FGD4: variants seen among roughly 807,000 people sequenced by gnomAD.
FGD4 encodes the protein FYVE, RhoGEF and PH domain containing 4, also known as FYVE, RhoGEF and PH domain-containing protein 4.
In FGD4, 42 loss-of-function variants were observed where a neutral mutation model predicts 102.0. The ratio of observed to expected loss-of-function variants is 0.41; its 90% CI spans 0.32 to 0.53. The LOEUF is 0.53. Among genes scored for constraint, FGD4 ranks in the 20% least tolerant of loss-of-function variants. FGD4 has a pLI of 0.21. For synonymous variants in FGD4, 380 were observed against 375.7 expected, an observed-to-expected ratio of 1.01 and a Z score of -0.13; for missense variants, 902 against 1,078.2, an observed-to-expected ratio of 0.84 and a Z score of 2.29.
chr12:32,400,226 C>T (rs552678564), intron 1 of FGD4, among the ~76,000 whole-genome samples: 1 of 152,230 alleles, frequency 6.6e-6, no homozygotes, highest in Non-Finnish European at 1.5e-5. Flanking sequence ...AGGTAGAATT[C>T]TCTTTTTCTC....
At chr12:32,467,940 C>T (rs900702094) in intron 1 of FGD4, among the ~76,000 whole-genome samples, 1 of 152,094 alleles carries the variant, frequency 6.6e-6, no homozygotes, top group African/African-American at 2.4e-5. Flanking sequence ...TGCTTGAACC[C>T]GGGAGGTGGA....
chr12:32,591,204 A>T (rs1413455612), intron 4 of FGD4, among the ~76,000 whole-genome samples: 1 of 152,198 alleles, frequency 6.6e-6, no homozygotes, highest in African/African-American at 2.4e-5. Flanking sequence ...AGCAGATTTG[A>T]ATAGAAACTT....
At chr12:32,566,688 T>A (rs11052078) in intron 2 of FGD4, among the ~76,000 whole-genome samples, 1 of 152,054 alleles carries the variant, frequency 6.6e-6, no homozygotes, top group African/African-American at 2.4e-5. Flanking sequence ...TAATGAGTGT[T>A]TCTTACTCTT....
At chr12:32,487,748 G>C (rs922646436) in intron 1 of FGD4, among the ~76,000 whole-genome samples, 1 of 152,154 alleles carries the variant, frequency 6.6e-6, no homozygotes, top group Non-Finnish European at 1.5e-5. Context: ...TTTATTTATA[G>C]AAACAAGATT....
intron 1 of FGD4, among the ~76,000 whole-genome samples, chr12:32,516,438 C>T (rs1166094759): frequency 1.3e-5 from 2 of 152,216 alleles, no homozygotes; most frequent in Non-Finnish European, 2.9e-5. Context: ...GCCACCATGC[C>T]TGGCCTAACT....
At chr12:32,561,075 G>GTTT (rs1218919677) in intron 1 of FGD4, among the ~76,000 whole-genome samples, 4 of 85,150 alleles carry the variant, frequency 4.7e-5, no homozygotes, top group East Asian at 3.4e-4. Context: ...GTTGGGTTTT[G>GTTT]TTTTTTTTTT....
chr12:32,488,280 T>C (rs981055639), intron 1 of FGD4, among the ~76,000 whole-genome samples: 4 of 152,174 alleles, frequency 2.6e-5, no homozygotes, highest in African/African-American at 7.2e-5. Context: ...TACTGACCTT[T>C]CTTGTGGAAT....
intron 14 of FGD4, among the ~76,000 whole-genome samples, chr12:32,631,975 G>A (rs74237197): frequency 1.3e-5 from 2 of 152,186 alleles, no homozygotes; most frequent in South Asian, 2.1e-4. Flanking sequence ...GGATGGTAAT[G>A]AGTTTGCGGT....
chr12:32,471,804 T>TTA (rs1943421221), intron 1 of FGD4, among the ~76,000 whole-genome samples: 1 of 152,128 alleles, frequency 6.6e-6, no homozygotes, highest in African/African-American at 2.4e-5. Flanking sequence ...CAGTGGATGC[T>TTA]ACCCACACAG....
intron 7 of FGD4, among the ~76,000 whole-genome samples, chr12:32,606,848 G>T (rs1251653952): frequency 6.6e-6 from 1 of 152,124 alleles, no homozygotes; most frequent in African/African-American, 2.4e-5. Flanking sequence ...TTTGCCCTAA[G>T]AAATGGAGCT....
chr12:32,564,400 G>C, intron 2 of FGD4, 111 bp downstream of exon 2: 3 of 1,274,980 alleles, frequency 2.4e-6, no homozygotes, highest in Non-Finnish European at 3.1e-6. Context: ...GGAAGGAATT[G>C]GGTACATTAT....
Position 32,582,167 on chromosome 12 carries a change from G to A in FGD4, c.711G>A (p.Met237Ile). 1 of 1,614,152 alleles carries A rather than the reference G, an allele frequency of 6.2e-7. No individual in the cohort carries two copies. Among genetic ancestry groups the A allele is most frequent in the Non-Finnish European group, 8.5e-7 (1 of 1,180,020 alleles). ...ANGVMAAQNQ[M>I]ECEEEKAATL... is the part of the protein sequence containing the mutation. ...GTGTAATGGCAGCACAAAACCAGAT[G>A]GAATGTGAGGAGGAGAAAGCTGCCA... The change falls in exon 4 of 17, where the codon ATG becomes ATA. Residue 237 changes from methionine (M) to isoleucine (I), a missense_variant. This residue lies in a region of FGD4 where 443 missense variants were observed against 459.2 expected (regional missense o/e 0.96). Transcript: ENST00000534526.
At chr12:32,452,825 C>T (rs1942817637) in intron 1 of FGD4, among the ~76,000 whole-genome samples, 1 of 151,910 alleles carries the variant, frequency 6.6e-6, no homozygotes. Context: ...TCTGTCTCTT[C>T]AAGAAATGAA....
At chr12:32,542,117 T>G (rs1023376988) in intron 1 of FGD4, among the ~76,000 whole-genome samples, 3 of 151,376 alleles carry the variant, frequency 2.0e-5, no homozygotes, top group African/African-American at 4.9e-5. Flanking sequence ...TACTTAGCAG[T>G]GTTCATTTTA....
Position 32,461,001 on chromosome 12 carries a change from A to G in FGD4, c.166+61042A>G, listed in dbSNP as rs138019922. ...ACAAGTAACTGATATTCTCCAGATT[A>G]CTAGTTGAATTTTTTATAAGGATGT... On this transcript the variant is annotated intron_variant, in intron 1 of 16. Coordinates refer to ENST00000534526, the MANE Select transcript of FGD4 (RefSeq NM_001370298.3). 6.5e-3 allele frequency among the ~76,000 whole-genome samples: 986 copies of G among 152,330 alleles called. 8 individuals are homozygous for G. Among genetic ancestry groups the G allele is most frequent in the Non-Finnish European group, 9.3e-3 (636 of 68,024 alleles).
At chr12:32,446,799 G>A (rs974534766) in intron 1 of FGD4, among the ~76,000 whole-genome samples, 14 of 152,144 alleles carry the variant, frequency 9.2e-5, no homozygotes, top group Admixed American at 2.0e-4. Flanking sequence ...CCTAGAGCGC[G>A]TAGAGATACC....
chr12:32,474,448 AT>A (rs1363560473), intron 1 of FGD4, among the ~76,000 whole-genome samples: 1 of 152,346 alleles, frequency 6.6e-6, no homozygotes, highest in East Asian at 1.9e-4. Flanking sequence ...TACAACATGG[AT>A]GAATCTTAAA....
rs1430384407 is a variant in FGD4 at position 32,641,496 on chromosome 12, A to G, written c.*963A>G. 1.3e-5 allele frequency: 2 copies of G among 152,162 alleles called. No homozygotes were observed. Among genetic ancestry groups the G allele is most frequent in the Non-Finnish European group, 2.9e-5 (2 of 68,010 alleles). The allele number at this position is 152,162 out of a possible 1,614,324, so 9.4% of individuals were successfully genotyped here. A position where few individuals can be genotyped will look rare whatever the true frequency, so the allele number is the denominator to read the frequency against. On this transcript the variant is annotated 3_prime_UTR_variant, in exon 17 of 17. Coordinates refer to ENST00000534526, the MANE Select transcript of FGD4 (RefSeq NM_001370298.3). ...CTTGATTATTCTAAGATTAAAGTGC[A>G]TTTTGGTCACTGGGACAGTCAAAGT...
At position 32,460,925 on chromosome 12, in the gene FGD4, T is replaced by C. The variant is rs114824517; in HGVS notation, c.166+60966T>C. On this transcript the variant is annotated intron_variant, in intron 1 of 16. Transcript: ENST00000534526. The stretch of plus-strand genomic sequence containing the variant: ...ACCTAAACTCTTTCTACATACTGTT[T>C]CTATTGAATTAACTGGGCATTTGAA... Among the ~76,000 whole-genome samples, 842 of 152,354 alleles carry C rather than the reference T, an allele frequency of 5.5e-3. 11 individuals carry two copies. Among genetic ancestry groups the C allele is most frequent in the African/African-American group, 0.019 (789 of 41,578 alleles).
Sources: gnomAD v4.1 joint callset for allele counts (sites outside exome capture counted in the v4.1 genomes callset) on GRCh38, gnomAD v4.1.1 for gene constraint, gnomAD v4.1.1 regional missense constraint, MANE v1.5 for transcripts, NCBI Gene and HGNC (gene_info 2026-07-23, HGNC 2026-07-21) for gene names.